FBXL7: variants seen among roughly 807,000 people sequenced by gnomAD.
FBXL7 encodes the protein F-box and leucine rich repeat protein 7.
Under a neutral mutation model 38.3 loss-of-function variants are expected in FBXL7, and 12 were observed. The ratio of observed to expected loss-of-function variants is 0.31; its 90% CI spans 0.20 to 0.51. The LOEUF is 0.51. Ranked by LOEUF, FBXL7 falls within the 20% of genes least tolerant of loss-of-function variation. The pLI is 0.98. For missense variants in FBXL7, 567 were observed against 676.4 expected (o/e 0.84, Z 1.79); for synonymous variants, 297 against 300.9 (o/e 0.99, Z 0.13).
chr5:15,543,141 TA>T (rs1737802915), intron 1 of FBXL7, among the ~76,000 whole-genome samples: 1 of 152,186 alleles, frequency 6.6e-6, no homozygotes, highest in Non-Finnish European at 1.5e-5. Flanking sequence ...ATGCTGCTAA[TA>T]AAGACATACC....
chr5:15,710,955 G>A (rs1743844275), intron 2 of FBXL7, among the ~76,000 whole-genome samples: 1 of 152,138 alleles, frequency 6.6e-6, no homozygotes, highest in Admixed American at 6.5e-5. Flanking sequence ...GAACCTGGTG[G>A]AAGATAATTG....
At chr5:15,730,194 C>T (rs946230777) in intron 2 of FBXL7, among the ~76,000 whole-genome samples, 1 of 152,022 alleles carries the variant, frequency 6.6e-6, no homozygotes, top group African/African-American at 2.4e-5. Flanking sequence ...CACATAGTCT[C>T]CAGTTTATGA....
At chr5:15,517,560 G>A (rs1175603246) in intron 1 of FBXL7, among the ~76,000 whole-genome samples, 2 of 152,188 alleles carry the variant, frequency 1.3e-5, no homozygotes, top group Non-Finnish European at 2.9e-5. Flanking sequence ...AGGAAAGGGT[G>A]ATGTGAGCTG....
intron 2 of FBXL7, among the ~76,000 whole-genome samples, chr5:15,709,273 C>G (rs1333779941): frequency 6.6e-6 from 1 of 152,104 alleles, no homozygotes; most frequent in African/African-American, 2.4e-5. Context: ...GTAGCTCATG[C>G]CTGTAATCCC....
At chr5:15,753,418 C>T (rs553683512) in intron 2 of FBXL7, among the ~76,000 whole-genome samples, 1 of 152,300 alleles carries the variant, frequency 6.6e-6, no homozygotes, top group African/African-American at 2.4e-5. Context: ...AACTGGCCTT[C>T]TTTCTTCCTC....
intron 3 of FBXL7, among the ~76,000 whole-genome samples, chr5:15,929,565 A>G (rs996553922): frequency 6.6e-6 from 1 of 150,662 alleles, no homozygotes; most frequent in East Asian, 2.0e-4. Context: ...TCGAAGCTGC[A>G]GTGAACTATG....
intron 2 of FBXL7, among the ~76,000 whole-genome samples, chr5:15,703,932 G>A (rs941334491): frequency 1.3e-5 from 2 of 152,164 alleles, no homozygotes; most frequent in Admixed American, 1.3e-4. Flanking sequence ...ATGTCATGCA[G>A]AGCATCTAAG....
chr5:15,511,755 G>A (rs1339692337), intron 1 of FBXL7, among the ~76,000 whole-genome samples: 2 of 152,094 alleles, frequency 1.3e-5, no homozygotes, highest in Non-Finnish European at 2.9e-5. Context: ...TGAGGTCTTG[G>A]CAGATGAAAA....
At chr5:15,603,990 A>G (rs1335125579) in intron 1 of FBXL7, among the ~76,000 whole-genome samples, 1 of 152,140 alleles carries the variant, frequency 6.6e-6, no homozygotes, top group East Asian at 1.9e-4. Context: ...TTCAAAAGTT[A>G]GCTGGGCATA....
At chr5:15,658,188 T>C (rs1379240765) in intron 2 of FBXL7, among the ~76,000 whole-genome samples, 1 of 152,190 alleles carries the variant, frequency 6.6e-6, no homozygotes, top group East Asian at 1.9e-4. Flanking sequence ...AGGAATATTT[T>C]CTCCAGCTTT....
chr5:15,835,210 G>A (rs1738562322), intron 2 of FBXL7, among the ~76,000 whole-genome samples: 1 of 152,114 alleles, frequency 6.6e-6, no homozygotes, highest in Non-Finnish European at 1.5e-5. Context: ...ACCACTCTTG[G>A]CTATCACCAG....
intron 1 of FBXL7, among the ~76,000 whole-genome samples, chr5:15,525,587 C>T (rs16903902): frequency 2.0e-5 from 3 of 152,040 alleles, no homozygotes; most frequent in Non-Finnish European, 2.9e-5. Flanking sequence ...TTCCTCCACA[C>T]GTCTGCATTG....
rs537764521 is a variant in FBXL7, at chr5:15,656,360, G to A, written c.127+40288G>A. On this transcript the variant is annotated intron_variant, in intron 2 of 3. Transcript: ENST00000504595. ...GAGACTGGGCAATTTACAAAAGAAA[G>A]GTTTAATTGGACTTACAGTTCCACA... 1.3e-3 allele frequency among the ~76,000 whole-genome samples: 200 copies of A among 152,266 alleles called. 2 individuals are homozygous for A. In the South Asian group the frequency reaches 0.017, roughly 13 times the overall value.
intron 1 of FBXL7, among the ~76,000 whole-genome samples, chr5:15,584,797 A>G (rs1739254290): frequency 6.6e-6 from 1 of 152,226 alleles, no homozygotes; most frequent in Non-Finnish European, 1.5e-5. Context: ...GAGACTGGGT[A>G]ATTTACAAAG....
chr5:15,667,566 G>T (rs1453176627), intron 2 of FBXL7, among the ~76,000 whole-genome samples: 5 of 152,162 alleles, frequency 3.3e-5, no homozygotes, highest in Non-Finnish European at 7.3e-5. Flanking sequence ...TTGATTCTGT[G>T]TAAGAAAGTT....
chr5:15,614,911 A>T (rs914097087), intron 1 of FBXL7, among the ~76,000 whole-genome samples: 13 of 152,144 alleles, frequency 8.5e-5, no homozygotes, highest in Non-Finnish European at 1.5e-4. Context: ...GCCCACCCAG[A>T]ATAATATGCC....
At chr5:15,854,885 A>G (rs1739210010) in intron 2 of FBXL7, among the ~76,000 whole-genome samples, 1 of 152,044 alleles carries the variant, frequency 6.6e-6, no homozygotes, top group South Asian at 2.1e-4. Flanking sequence ...AGTCAAACCA[A>G]AAAAAACAGA....
chr5:15,521,272 A>G (rs1289705268), intron 1 of FBXL7, among the ~76,000 whole-genome samples: 3 of 152,236 alleles, frequency 2.0e-5, no homozygotes, highest in Non-Finnish European at 4.4e-5. Flanking sequence ...TTGGTTTACT[A>G]TGATCTGCAA....
At chr5:15,583,788 T>G (rs1739221718) in intron 1 of FBXL7, among the ~76,000 whole-genome samples, 1 of 152,170 alleles carries the variant, frequency 6.6e-6, no homozygotes, top group South Asian at 2.1e-4. Context: ...GATGGTCCTC[T>G]TCTCACGGCT....
Sources: gnomAD v4.1 joint callset for allele counts (sites outside exome capture counted in the v4.1 genomes callset) on GRCh38, gnomAD v4.1.1 for gene constraint, MANE v1.5 for transcripts, NCBI Gene and HGNC (gene_info 2026-07-23, HGNC 2026-07-21) for gene names.